Variants in SERGEF observed in about 807,000 individuals in gnomAD.
SERGEF encodes secretion-regulating guanine nucleotide exchange factor.
A neutral mutation model predicts 50.0 loss-of-function variants in SERGEF; 51 were observed. The observed-to-expected ratio is 1.02, with a 90% confidence interval of 0.81 to 1.29. The LOEUF (loss-of-function observed/expected upper bound fraction) is 1.29. Ranked by LOEUF, SERGEF falls within the 50% of genes most tolerant of loss-of-function variation. The pLI, the probability that SERGEF is intolerant of heterozygous loss-of-function variation, is 0.00. For missense variants in SERGEF, 521 were observed against 557.0 expected, an observed-to-expected ratio of 0.94 and a Z score of 0.65; for synonymous variants, 205 against 212.4, an observed-to-expected ratio of 0.97 and a Z score of 0.30.
intron 10 of SERGEF, among the ~76,000 whole-genome samples, chr11:17,797,744 T>C (rs904381350): frequency 1.3e-5 from 2 of 152,204 alleles, no homozygotes; most frequent in Non-Finnish European, 2.9e-5. Context: ...AATGAATGAA[T>C]GGCAGTGAGA....
chr11:17,978,223 T>C (rs1401511156), intron 8 of SERGEF, among the ~76,000 whole-genome samples: 1 of 151,964 alleles, frequency 6.6e-6, no homozygotes, highest in Non-Finnish European at 1.5e-5. Flanking sequence ...ACCTAGTACA[T>C]AGTAAGTACT....
chr11:17,821,729 C>T (rs1590135068), intron 10 of SERGEF, among the ~76,000 whole-genome samples: 1 of 152,306 alleles, frequency 6.6e-6, no homozygotes, highest in East Asian at 1.9e-4. Context: ...AATTCCGTGC[C>T]AAGTACATTG....
chr11:17,843,940 T>C (rs986387614), intron 10 of SERGEF, among the ~76,000 whole-genome samples: 2 of 152,226 alleles, frequency 1.3e-5, no homozygotes, highest in African/African-American at 4.8e-5. Context: ...TCACCTGGAA[T>C]TAATTACCTG....
At chr11:17,926,750 C>T (rs950606130) in intron 9 of SERGEF, 55 of 456,040 alleles carry the variant, frequency 1.2e-4, no homozygotes, top group African/African-American at 9.8e-4. Context: ...TGCTATTACT[C>T]CAAAAGACTA....
intron 4 of SERGEF, among the ~76,000 whole-genome samples, chr11:18,004,227 T>A (rs1426347470): frequency 6.6e-6 from 1 of 152,230 alleles, no homozygotes; most frequent in Non-Finnish European, 1.5e-5. Flanking sequence ...TCACAAAACT[T>A]CATATGAAGT....
chr11:17,932,073 TGTCAGAGAAGGAAGAGAAA>T (rs1852362774), intron 9 of SERGEF, among the ~76,000 whole-genome samples: 2 of 152,160 alleles, frequency 1.3e-5, no homozygotes, highest in African/African-American at 4.8e-5. Context: ...AAAACAGCTT[TGTCAGAGAAGGAAGAGAAA>T]GAAATGCTGT....
intron 10 of SERGEF, among the ~76,000 whole-genome samples, chr11:17,826,334 C>A (rs1201393407): frequency 6.6e-6 from 1 of 152,218 alleles, no homozygotes; most frequent in Non-Finnish European, 1.5e-5. Flanking sequence ...TATATTGACA[C>A]TAATTTTGTA....
intron 10 of SERGEF, among the ~76,000 whole-genome samples, chr11:17,875,527 A>G (rs1851223377): frequency 6.6e-6 from 1 of 152,234 alleles, no homozygotes; most frequent in African/African-American, 2.4e-5. Flanking sequence ...GTGTCACAGC[A>G]TTCGCTTCTA....
At chr11:17,910,160 A>C (rs1225081300) in intron 9 of SERGEF, among the ~76,000 whole-genome samples, 1 of 148,656 alleles carries the variant, frequency 6.7e-6, no homozygotes, top group African/African-American at 2.5e-5. Context: ...ACTTGGAACC[A>C]TTTGCCACCT....
chr11:17,988,826 T>A (rs1853651488), intron 7 of SERGEF, 71 bp from the exon 8 acceptor site: 1 of 1,472,344 alleles, frequency 6.8e-7, no homozygotes. Context: ...ATAACAGAAG[T>A]CTAAAAAATA....
chr11:17,804,003 G>A (rs1052346312), intron 10 of SERGEF, among the ~76,000 whole-genome samples: 4 of 152,226 alleles, frequency 2.6e-5, no homozygotes, highest in African/African-American at 9.6e-5. Flanking sequence ...CGGGGGAAGG[G>A]CAGTGGAAGA....
intron 9 of SERGEF, among the ~76,000 whole-genome samples, chr11:17,937,189 A>T (rs1852466284): frequency 6.6e-6 from 1 of 152,174 alleles, no homozygotes; most frequent in African/African-American, 2.4e-5. Context: ...CATACTATCT[A>T]TAATGTCTCA....
chr11:17,833,803 G>A (rs1850355884), intron 10 of SERGEF, among the ~76,000 whole-genome samples: 1 of 152,174 alleles, frequency 6.6e-6, no homozygotes, highest in South Asian at 2.1e-4. Flanking sequence ...GTAGCCCTTT[G>A]TTTTGGCCAA....
chr11:17,852,496 C>T (rs539011454), intron 10 of SERGEF, among the ~76,000 whole-genome samples: 1 of 152,244 alleles, frequency 6.6e-6, no homozygotes, highest in South Asian at 2.1e-4. Flanking sequence ...TACACACCAC[C>T]CCACTTCACC....
At chr11:17,951,273 C>T (rs1051007282) in intron 9 of SERGEF, among the ~76,000 whole-genome samples, 3 of 152,174 alleles carry the variant, frequency 2.0e-5, no homozygotes, top group Non-Finnish European at 2.9e-5. Flanking sequence ...AGTCTACAAA[C>T]GCCCTTATAT....
chr11:17,875,565 C>T lies in SERGEF; in HGVS notation c.1048+2643G>A, dbSNP rs149084303. Among the ~76,000 whole-genome samples the T allele has an allele frequency of 4.2e-3, 636 of 152,372 alleles. 4 individuals are homozygous for T. The highest frequency in any genetic ancestry group is 0.02 in the Middle Eastern group (6 of 294). On this transcript the variant is annotated intron_variant, in intron 10 of 10. Coordinates refer to ENST00000265965, the MANE Select transcript of SERGEF (RefSeq NM_012139.4). ...TGCGCTGGGCAGCGAGTCCATTGCT[C>T]AGGTAACACTGCTACTTATCTCTAC... is the stretch of plus-strand genomic sequence containing the variant.
chr11:17,997,100 G>A (rs1433853931), intron 5 of SERGEF, among the ~76,000 whole-genome samples: 6 of 152,176 alleles, frequency 3.9e-5, no homozygotes, highest in Admixed American at 3.3e-4. Flanking sequence ...AGCTGCCTGA[G>A]GTGGGAAGAT....
intron 9 of SERGEF, among the ~76,000 whole-genome samples, chr11:17,905,814 AG>A (rs1269691098): frequency 2.0e-5 from 3 of 152,136 alleles, no homozygotes; most frequent in African/African-American, 7.2e-5. Flanking sequence ...CTCTAAAATA[AG>A]GAGCTTGAAA....
intron 10 of SERGEF, among the ~76,000 whole-genome samples, chr11:17,829,518 A>C (rs905442961): frequency 6.6e-6 from 1 of 152,238 alleles, no homozygotes; most frequent in Non-Finnish European, 1.5e-5. Context: ...AACACAAAGA[A>C]GACCATGAAT....
Sources: allele counts gnomAD v4.1 joint callset (sites outside exome capture counted in the v4.1 genomes callset), GRCh38; gene constraint gnomAD v4.1.1; transcripts MANE v1.5; gene names NCBI Gene and HGNC (gene_info 2026-07-23, HGNC 2026-07-21).